Variants in TULP3 observed in about 807,000 individuals in gnomAD.
TULP3 encodes tubby-related protein 3.
TULP3 carries 38 observed loss-of-function variants against 50.7 expected under a neutral mutation model. The ratio of observed to expected loss-of-function variants is 0.75; its 90% CI spans 0.58 to 0.98. The LOEUF is 0.98. Ranked by LOEUF, TULP3 falls within the 50% of genes least tolerant of loss-of-function variation. The pLI, the probability that TULP3 is intolerant of heterozygous loss-of-function variation, is 0.00. For synonymous variants in TULP3, 183 were observed against 196.6 expected (o/e 0.93, Z 0.58); for missense variants, 550 against 568.0 (o/e 0.97, Z 0.32).
At chr12:2,907,837 A>T (rs1428445606) in intron 1 of TULP3, among the ~76,000 whole-genome samples, 1 of 152,154 alleles carries the variant, frequency 6.6e-6, no homozygotes, top group East Asian at 1.9e-4. Context: ...TAGGTGAAAC[A>T]TGGGGGGCAC....
chr12:2,936,188 T>G (rs1440933361), intron 8 of TULP3, among the ~76,000 whole-genome samples: 6 of 151,938 alleles, frequency 3.9e-5, no homozygotes, highest in African/African-American at 7.3e-5. Context: ...GAGAATCGCT[T>G]GAACCCAGGA....
At chr12:2,912,845 A>G (rs2098186390) in intron 2 of TULP3, among the ~76,000 whole-genome samples, 1 of 152,150 alleles carries the variant, frequency 6.6e-6, no homozygotes, top group South Asian at 2.1e-4. Flanking sequence ...TGATAGTAGG[A>G]TTAATTCACC....
intron 1 of TULP3, among the ~76,000 whole-genome samples, chr12:2,901,568 A>G (rs943837552): frequency 6.6e-6 from 1 of 151,710 alleles, no homozygotes; most frequent in African/African-American, 2.4e-5. Flanking sequence ...TTTTTAGTAG[A>G]GATGGGATTT....
chr12:2,905,187 C>G (rs1309632628), intron 1 of TULP3, among the ~76,000 whole-genome samples: 1 of 143,386 alleles, frequency 7.0e-6, no homozygotes, highest in Non-Finnish European at 1.5e-5. Flanking sequence ...TATAAAATAT[C>G]TTTTTTTTTT....
In TULP3 at chr12:2,922,224, T is replaced by G; in HGVS notation, c.254-38T>G. On this transcript the variant is annotated intron_variant, in intron 3 of 10. Coordinates refer to ENST00000448120, the MANE Select transcript of TULP3 (RefSeq NM_003324.5). Reference sequence around the variant, plus strand: ...TCTACCCAACTAGTGAATAATACTTTGCTCCTTTTTTAAAATTCATTTTAT... The same window carrying G: ...TCTACCCAACTAGTGAATAATACTTGGCTCCTTTTTTAAAATTCATTTTAT... 2.5e-6 allele frequency: 4 copies of G among 1,602,134 alleles called. No homozygotes were observed. The South Asian group carries it at 4.5e-5, about 18-fold the overall frequency.
At position 2,939,179 on chromosome 12, in the gene TULP3, T is replaced by C; in HGVS notation, c.1196-132T>C. On this transcript the variant is annotated intron_variant, in intron 10 of 10. Coordinates refer to ENST00000448120, the MANE Select transcript of TULP3 (RefSeq NM_003324.5). This position sits in a 1 kb window ranked among gnomAD's most constrained non-coding sequence, Gnocchi z 4.0. ...ACGGGAGGTCAAGGCTGCAGTGAGC[T>C]GTGGTCATTCCACTAGGCTCCAGCC... 2 of 983,128 alleles carry C rather than the reference T, an allele frequency of 2.0e-6. No homozygotes were observed. The highest frequency in any genetic ancestry group is 1.5e-5 in the South Asian group (1 of 65,404). The allele number at this position is 983,128 out of a possible 1,614,324, so 60.9% of individuals were successfully genotyped here.
At chr12:2,933,723 G>A (rs1411885513) in intron 7 of TULP3, among the ~76,000 whole-genome samples, 193 bp downstream of exon 7, 1 of 152,134 alleles carries the variant, frequency 6.6e-6, no homozygotes, top group African/African-American at 2.4e-5. Flanking sequence ...GGCCAAGGCG[G>A]GCGGATCACT....
Position 2,928,381 on chromosome 12 carries a change from T to A in TULP3, c.395-1867T>A, listed in dbSNP as rs532926370. ...CCCCGTCTCTACTAAAAATAAAAAA[T>A]TAACCGGATGTGGTGGCACATGCCT... On this transcript the variant is annotated intron_variant, in intron 4 of 10. Coordinates refer to ENST00000448120, the MANE Select transcript of TULP3 (RefSeq NM_003324.5). Among the ~76,000 whole-genome samples the A allele has an allele frequency of 3.8e-4, 57 of 150,566 alleles. 1 individual carries two copies. The highest frequency in any genetic ancestry group is 6.8e-4 in the Non-Finnish European group (46 of 67,592).
At chr12:2,935,846 G>A (rs1267258309) in intron 8 of TULP3, among the ~76,000 whole-genome samples, 1 of 152,056 alleles carries the variant, frequency 6.6e-6, no homozygotes, top group African/African-American at 2.4e-5. Context: ...GCAGTCGCTG[G>A]AGTCCCAGCT....
chr12:2,890,899 G>A lies in TULP3; in HGVS notation c.-49G>A, dbSNP rs757658639. 7 of 1,536,834 alleles carry A rather than the reference G, an allele frequency of 4.6e-6. No homozygotes were observed. The South Asian group carries it at 4.9e-5, about 11-fold the overall frequency. ...GGCGTGCCAGCCTAGCCACTCTAGCGACGGCGGGGAAGAGTGTGTACGTGG... is the reference window on the plus strand; with the variant it reads ...GGCGTGCCAGCCTAGCCACTCTAGCAACGGCGGGGAAGAGTGTGTACGTGG... On this transcript the variant is annotated 5_prime_UTR_variant, in exon 1 of 11. Transcript: ENST00000448120.
intron 4 of TULP3, 143 bp downstream of exon 4, chr12:2,922,545 CT>C: frequency 1.0e-6 from 1 of 969,616 alleles, no homozygotes; most frequent in Non-Finnish European, 1.5e-6. Flanking sequence ...TGTTTAGCAT[CT>C]TTTACATCTG....
rs146075749 is a variant in TULP3 at position 2,933,543 on chromosome 12, T to C, written c.809+13T>C. 6 of 1,519,206 alleles carry C rather than the reference T, an allele frequency of 3.9e-6. No homozygotes were observed. The highest frequency in any genetic ancestry group is 5.5e-6 in the Non-Finnish European group (6 of 1,094,318). The allele number at this position is 1,519,206 out of a possible 1,614,324, so 94.1% of individuals were successfully genotyped here. On this transcript the variant is annotated intron_variant, in intron 7 of 10. Transcript: ENST00000448120. ...TCGGCAAGCTTAGGTGAAAGCAACCTTAGATCACTGTCCTATTCTTTCTGA... is the reference window on the plus strand; with the variant it reads ...TCGGCAAGCTTAGGTGAAAGCAACCCTAGATCACTGTCCTATTCTTTCTGA...
chr12:2,900,654 A>G (rs2098178595), intron 1 of TULP3, among the ~76,000 whole-genome samples: 2 of 151,302 alleles, frequency 1.3e-5, no homozygotes, highest in Admixed American at 1.3e-4. Context: ...TAGTTTGTGT[A>G]TATCCTTCTG....
chr12:2,920,939 C>T lies in TULP3; in HGVS notation c.253+17C>T, dbSNP rs755754398. On this transcript the variant is annotated intron_variant, in intron 3 of 10. Transcript: ENST00000448120. ...TCTTACATGGTGTGTATTTAGGCAG[C>T]ATCACTTCCTAGTGGGGTACAATTT... 1 of 1,613,182 alleles carries T rather than the reference C, an allele frequency of 6.2e-7. No individual in the cohort carries two copies. Among genetic ancestry groups the T allele is most frequent in the African/African-American group, 1.3e-5 (1 of 75,008 alleles).
chr12:2,921,178 G>A (rs555744473), intron 3 of TULP3, among the ~76,000 whole-genome samples: 9 of 151,982 alleles, frequency 5.9e-5, no homozygotes, highest in South Asian at 4.1e-4. Context: ...TGCTTTTGTC[G>A]CCCAGGCTGG....
rs747562789 is a variant in TULP3 at position 2,939,810 on chromosome 12, C to A, written c.*366C>A. On this transcript the variant is annotated 3_prime_UTR_variant, in exon 11 of 11. Coordinates refer to ENST00000448120, the MANE Select transcript of TULP3 (RefSeq NM_003324.5). This position sits in a 1 kb window ranked among gnomAD's most constrained non-coding sequence, Gnocchi z 4.0. ...ACGACCCCTGAATATATAAAACACA[C>A]ACACACCCCGCGCACTCTCACTCCT... is the stretch of plus-strand genomic sequence containing the variant. 8.4e-7 allele frequency: 1 copy of A among 1,191,016 alleles called. No individual in the cohort carries two copies. The highest frequency in any genetic ancestry group is 1.1e-6 in the Non-Finnish European group (1 of 943,438). 73.8% of individuals were successfully genotyped at this position (1,191,016 alleles called of 1,614,324 possible).
chr12:2,933,883 G>C (rs1187312151), intron 7 of TULP3, among the ~76,000 whole-genome samples: 1 of 152,148 alleles, frequency 6.6e-6, no homozygotes, highest in Non-Finnish European at 1.5e-5. Flanking sequence ...CCAGGAGGCA[G>C]AGGTTGCCGT....
At chr12:2,891,066 G>C (rs1009760399) in intron 1 of TULP3, 78 bp downstream of exon 1, 3 of 1,419,356 alleles carry the variant, frequency 2.1e-6, no homozygotes, top group African/African-American at 2.9e-5. Flanking sequence ...CTCTCCGGGA[G>C]CCCTGCGGGG....
intron 1 of TULP3, among the ~76,000 whole-genome samples, chr12:2,906,773 G>C (rs534794037): frequency 2.0e-5 from 3 of 150,790 alleles, no homozygotes. Context: ...AAAATTAGCC[G>C]GGCGTGGTGG....
Sources: gnomAD v4.1 joint callset for allele counts (sites outside exome capture counted in the v4.1 genomes callset) on GRCh38, gnomAD v4.1.1 for gene constraint, Gnocchi (gnomAD v3.1) non-coding constraint, MANE v1.5 for transcripts, NCBI Gene and HGNC (gene_info 2026-07-23, HGNC 2026-07-21) for gene names.